The following DDX49 variants were observed in gnomAD, a reference collection of about 807,000 sequenced individuals.
DDX49 encodes the protein DEAD-box helicase 49.
A neutral mutation model predicts 56.3 loss-of-function variants in DDX49; 50 were observed. That is an observed-to-expected ratio of 0.89 (90% CI 0.71 to 1.12). DDX49 has a LOEUF of 1.12. Among genes scored for constraint, DDX49 ranks in the 50% most tolerant of loss-of-function variants. DDX49 has a pLI of 0.00. For missense variants in DDX49, 614 were observed against 650.5 expected, an observed-to-expected ratio of 0.94 and a Z score of 0.61; for synonymous variants, 269 against 270.6, an observed-to-expected ratio of 0.99 and a Z score of 0.06.
In DDX49 at chr19:18,919,794, G is replaced by T. The variant is rs1325037701; in HGVS notation, c.53G>T (p.Arg18Leu). ...TCATCGTGGCTCGTGGAACAATGTC[G>T]GCAGCTGGGTTTGAAGCAGCCCACG... The part of the protein sequence containing the change: ...GLSSWLVEQC[R>L]QLGLKQPTPV... The change falls in exon 1 of 13, where the codon CGG (arginine) becomes CTG (leucine). Residue 18 changes from arginine to leucine, a missense_variant. Coordinates refer to ENST00000247003, the MANE Select transcript of DDX49 (RefSeq NM_019070.5). 6.2e-7 allele frequency: 1 copy of T among 1,612,668 alleles called. No homozygotes were observed. The highest frequency in any genetic ancestry group is 1.3e-5 in the African/African-American group (1 of 74,930).
At chr19:18,920,820 T>C (rs767985879) in intron 2 of DDX49, 117 bp downstream of exon 2, 1 of 1,125,366 alleles carries the variant, frequency 8.9e-7, no homozygotes, top group South Asian at 1.7e-5. Flanking sequence ...AAAATCTTGC[T>C]ACCCGCTTCT....
In DDX49 at chr19:18,926,998, G is replaced by A. The variant is rs143181953; in HGVS notation, c.1102+621G>A. On this transcript the variant is annotated intron_variant, in intron 10 of 12. Transcript: ENST00000247003. ...TGAGGCATGAGAATTACTTGAACCC[G>A]GGAGGCAAAGGTTGCAGTGAGCCAA... 7.6e-3 allele frequency among the ~76,000 whole-genome samples: 1,139 copies of A among 150,674 alleles called. 15 individuals carry two copies. The highest frequency in any genetic ancestry group is 0.026 in the African/African-American group (1,058 of 40,916).
At chr19:18,922,259 C>T in intron 4 of DDX49, 67 bp from the exon 5 acceptor site, 2 of 1,552,066 alleles carry the variant, frequency 1.3e-6, no homozygotes, top group African/African-American at 1.3e-5. Context: ...AAGAGGCCTG[C>T]TTCAGGGGTG....
At chr19:18,922,862 G>A in intron 6 of DDX49, 118 bp downstream of exon 6, 1 of 1,333,580 alleles carries the variant, frequency 7.5e-7, no homozygotes, top group Middle Eastern at 2.0e-4. Flanking sequence ...CAGCCTGGAG[G>A]TCATGGGGGC....
chr19:18,919,732 G>A lies in DDX49; in HGVS notation c.-10G>A, dbSNP rs1216996554. ...GCCCCTACAAGGGGCCCCTACAAGC[G>A]GCCACAAGGATGGCAGGCTTCGCGG... On this transcript the variant is annotated 5_prime_UTR_variant, in exon 1 of 13. Coordinates refer to ENST00000247003, the MANE Select transcript of DDX49 (RefSeq NM_019070.5). The A allele has an allele frequency of 1.9e-6, 3 of 1,606,052 alleles. No individual in the cohort carries two copies. In the African/African-American group the frequency reaches 4.0e-5, roughly 21 times the overall value.
At chr19:18,919,900 T>A in intron 1 of DDX49, 44 bp downstream of exon 1, 1 of 1,408,790 alleles carries the variant, frequency 7.1e-7, no homozygotes, top group Non-Finnish European at 9.8e-7. Context: ...TCTCCGCTCC[T>A]CTCGACTCCT....
Position 18,924,253 on chromosome 19 carries a change from T to C in DDX49, c.797T>C (p.Met266Thr). The change falls in exon 7 of 13, where the codon ATG (methionine) becomes ACG (threonine). Residue 266 changes from methionine to threonine, a missense_variant. Coordinates refer to ENST00000247003, the MANE Select transcript of DDX49 (RefSeq NM_019070.5). ...NTCKTCQILC[M>T]MLRKFSFPTV... ...GCCAGGACCTGCCAGATTCTGTGCA[T>C]GATGCTGCGCAAATTCAGCTTCCCC... 1 of 1,614,030 alleles carries C rather than the reference T, an allele frequency of 6.2e-7. No homozygotes were observed. Among genetic ancestry groups the C allele is most frequent in the Non-Finnish European group, 8.5e-7 (1 of 1,180,008 alleles).
chr19:18,924,735 C>T, intron 8 of DDX49, 36 bp downstream of exon 8: 1 of 1,613,974 alleles, frequency 6.2e-7, no homozygotes, highest in Non-Finnish European at 8.5e-7. Flanking sequence ...AGGGCACTCC[C>T]TCTTTTACTA....
At chr19:18,927,888 T>C in intron 11 of DDX49, 34 bp downstream of exon 11, 2 of 1,613,718 alleles carry the variant, frequency 1.2e-6, no homozygotes, top group Non-Finnish European at 8.5e-7. Context: ...ACTAAAGTGC[T>C]CTCCAGGGCC....
intron 6 of DDX49, among the ~76,000 whole-genome samples, 165 bp from the exon 7 acceptor site, chr19:18,924,067 CA>C (rs368877903): frequency 6.6e-6 from 1 of 152,072 alleles, no homozygotes; most frequent in Admixed American, 6.6e-5. Context: ...CTCAGTCTCC[CA>C]AAGTGCTGGG....
At chr19:18,922,577 C>T (rs764520193) in intron 5 of DDX49, 27 bp from the exon 6 acceptor site, 28 of 1,602,730 alleles carry the variant, frequency 1.7e-5, no homozygotes, top group South Asian at 1.3e-4. Context: ...GACACTGAGG[C>T]GTGGCGGTCT....
chr19:18,922,006 G>A lies in DDX49; in HGVS notation c.447+42G>A, dbSNP rs749689691. The A allele has an allele frequency of 5.3e-5, 83 of 1,574,508 alleles. No homozygotes were observed. The East Asian group carries it at 8.3e-4, about 16-fold the overall frequency. ...CCTGCAGACCTCAGGAGCTGGGCTC[G>A]GAGCCTCCAGGCCCAATGTCAGAGC... On this transcript the variant is annotated intron_variant, in intron 4 of 12. Transcript: ENST00000247003.
rs752331613 is a variant in DDX49 at position 18,924,620 on chromosome 19, C to G, written c.853-3C>G. The G allele has an allele frequency of 6.2e-7, 1 of 1,614,172 alleles. No individual in the cohort carries two copies. Among genetic ancestry groups the G allele is most frequent in the East Asian group, 2.2e-5 (1 of 44,890 alleles). On this transcript the variant is annotated splice_polypyrimidine_tract_variant and splice_region_variant and intron_variant, in intron 7 of 12. Coordinates refer to ENST00000247003, the MANE Select transcript of DDX49 (RefSeq NM_019070.5). ...TCCCAATTTTCTTCCCAACCCTGTGCAGAAAGAACGCTTTGCCGCCCTAGC... is the reference window on the plus strand; with the variant it reads ...TCCCAATTTTCTTCCCAACCCTGTGGAGAAAGAACGCTTTGCCGCCCTAGC...
At chr19:18,923,607 C>G (rs1285068597) in intron 6 of DDX49, among the ~76,000 whole-genome samples, 1 of 152,106 alleles carries the variant, frequency 6.6e-6, no homozygotes, top group Non-Finnish European at 1.5e-5. Context: ...CATCCTTTCT[C>G]CCTGTGCCCC....
At chr19:18,926,810 C>T (rs2056964695) in intron 10 of DDX49, among the ~76,000 whole-genome samples, 1 of 152,154 alleles carries the variant, frequency 6.6e-6, no homozygotes. Flanking sequence ...CAGTGGCTCA[C>T]ACTTGTAATC....
chr19:18,922,623 C>G lies in DDX49; in HGVS notation c.655C>G (p.Leu219Val). ...CCCCAGGGTGAGCACCGTGGAGCAG[C>G]TGGACCAGCGCTACCTGCTGGTGCC... Reference protein sequence around the residue: ...AQAPVSTVEQLDQRYLLVPEK... With the variant: ...AQAPVSTVEQVDQRYLLVPEK... Residue 219 changes from leucine to valine, a missense_variant, in exon 6 of 13, where the codon CTG becomes GTG. Physicochemically the swap from Leu to Val is conservative, Grantham distance 32. Transcript: ENST00000247003. The G allele has an allele frequency of 1.2e-6, 2 of 1,613,334 alleles. No individual in the cohort carries two copies. Among genetic ancestry groups the G allele is most frequent in the Non-Finnish European group, 1.7e-6 (2 of 1,179,688 alleles).
At chr19:18,922,796 C>T (rs1315654621) in intron 6 of DDX49, 52 bp downstream of exon 6, 1 of 1,588,174 alleles carries the variant, frequency 6.3e-7, no homozygotes, top group Non-Finnish European at 8.6e-7. Flanking sequence ...GAGGAGGTGG[C>T]CCGACGTCTT....
rs1315614030 is a variant in DDX49, at chr19:18,928,109, CT to C, written c.1264-18del. On this transcript the variant is annotated intron_variant, in intron 12 of 12. Transcript: ENST00000247003. ...CGGGGGCCGCCAGCTCAGCCATCCC[CT>C]GGTCCTCCCTGTGCCAGGACCCTGA... The C allele has an allele frequency of 1.2e-6, 2 of 1,611,524 alleles. No homozygotes were observed. Among genetic ancestry groups the C allele is most frequent in the African/African-American group, 1.3e-5 (1 of 74,776 alleles).
intron 6 of DDX49, among the ~76,000 whole-genome samples, chr19:18,923,204 CT>C (rs763127151): frequency 1.3e-5 from 2 of 152,152 alleles, no homozygotes; most frequent in Non-Finnish European, 2.9e-5. Flanking sequence ...AATCAAGGCG[CT>C]TTAAATGCGT....
Sources: gnomAD v4.1 joint callset for allele counts (sites outside exome capture counted in the v4.1 genomes callset) on GRCh38, gnomAD v4.1.1 for gene constraint, MANE v1.5 for transcripts, NCBI Gene and HGNC (gene_info 2026-07-23, HGNC 2026-07-21) for gene names.